The following CNDP2 variants were observed in gnomAD, a reference collection of about 807,000 sequenced individuals.
CNDP2 encodes cytosolic non-specific dipeptidase.
Under a neutral mutation model 55.0 loss-of-function variants are expected in CNDP2, and 38 were observed. The observed-to-expected ratio is 0.69, with a 90% CI of 0.53 to 0.90. The LOEUF (loss-of-function observed/expected upper bound fraction) is 0.90. Ranked by LOEUF, CNDP2 falls within the 40% of genes least tolerant of loss-of-function variation. CNDP2 has a pLI of 0.00. For synonymous variants in CNDP2, 241 were observed against 260.2 expected, an observed-to-expected ratio of 0.93 and a Z score of 0.71; for missense variants, 607 against 621.7, an observed-to-expected ratio of 0.98 and a Z score of 0.25.
chr18:74,509,005 C>T (rs1313144463), intron 5 of CNDP2, 77 bp downstream of exon 5: 1 of 1,195,142 alleles, frequency 8.4e-7, no homozygotes, highest in African/African-American at 1.5e-5. Flanking sequence ...TCTGTTCACA[C>T]AACAGCTTAT....
chr18:74,506,238 G>T (rs892967468), intron 4 of CNDP2, among the ~76,000 whole-genome samples: 1 of 152,132 alleles, frequency 6.6e-6, no homozygotes, highest in African/African-American at 2.4e-5. Flanking sequence ...GGGTTCAAGC[G>T]ATTCTCCTGC....
chr18:74,509,134 T>C, intron 5 of CNDP2: 1 of 546,580 alleles, frequency 1.8e-6, no homozygotes, highest in Non-Finnish European at 3.3e-6. Flanking sequence ...GTAATTGTTT[T>C]ACAGCTGCTT....
chr18:74,513,769 C>T, intron 8 of CNDP2, 50 bp downstream of exon 8: 2 of 1,584,852 alleles, frequency 1.3e-6, no homozygotes, highest in East Asian at 4.5e-5. Flanking sequence ...CGCTGTGACA[C>T]AGGTGTCCCC....
chr18:74,516,350 C>G lies in CNDP2; in HGVS notation c.1026C>G (p.Ile342Met), dbSNP rs1289435891. 6.2e-7 allele frequency: 1 copy of G among 1,613,892 alleles called. No homozygotes were observed. The highest frequency in any genetic ancestry group is 1.1e-5 in the South Asian group (1 of 91,062). The change falls in exon 9 of 12, where the codon ATC becomes ATG. Residue 342 changes from isoleucine to methionine, a missense_variant. Transcript: ENST00000324262. ...IPRKVVGKFS[I>M]RLVPNMTPEV... ...GGAAGGTGGTTGGCAAGTTCTCCATCAGGCTCGTGCCGAACATGACTCCTG... is the reference window on the plus strand; with the variant it reads ...GGAAGGTGGTTGGCAAGTTCTCCATGAGGCTCGTGCCGAACATGACTCCTG...
intron 8 of CNDP2, among the ~76,000 whole-genome samples, chr18:74,515,997 C>G (rs1236838421): frequency 6.6e-6 from 1 of 152,224 alleles, no homozygotes; most frequent in African/African-American, 2.4e-5. Context: ...CAGCGACGGG[C>G]AGTGAAATGC....
At position 74,506,324 on chromosome 18, in the gene CNDP2, G is replaced by A. The variant is rs142554799; in HGVS notation, c.367+313G>A. 3.9e-3 allele frequency among the ~76,000 whole-genome samples: 591 copies of A among 151,918 alleles called. 9 individuals carry two copies. Among genetic ancestry groups the A allele is most frequent in the African/African-American group, 0.014 (562 of 41,440 alleles). ...TAGTTTTTTTATTTTTAGTAGAGACGGGGTTTCACCATGCTGGCCAGGCTG... is the reference window on the plus strand; with the variant it reads ...TAGTTTTTTTATTTTTAGTAGAGACAGGGTTTCACCATGCTGGCCAGGCTG... On this transcript the variant is annotated intron_variant, in intron 4 of 11. Coordinates refer to ENST00000324262, the MANE Select transcript of CNDP2 (RefSeq NM_018235.3).
rs763278033 is a variant in CNDP2, at chr18:74,508,942, G to A, written c.456+14G>A. 2.5e-5 allele frequency: 40 copies of A among 1,609,594 alleles called. No individual in the cohort carries two copies. The highest frequency in any genetic ancestry group is 5.3e-5 in the African/African-American group (4 of 74,786). On this transcript the variant is annotated intron_variant, in intron 5 of 11. Transcript: ENST00000324262. ...AAAACAGGCCAGGTATGCCCCCCAC[G>A]CTGACTTCTGCCTGAGTCCTGGGTT...
In CNDP2 at chr18:74,505,891, G is replaced by T. The variant is rs577359145; in HGVS notation, c.247G>T (p.Gly83Cys). 3 of 1,611,558 alleles carry T rather than the reference G, an allele frequency of 1.9e-6. No individual in the cohort carries two copies. Among genetic ancestry groups the T allele is most frequent in the East Asian group, 4.5e-5 (2 of 44,788 alleles). The change falls in exon 4 of 12, where the codon GGC becomes TGC. Residue 83 changes from glycine (G) to cysteine (C), a missense_variant. Physicochemically the swap from Gly to Cys is radical, Grantham distance 159. Coordinates refer to ENST00000324262, the MANE Select transcript of CNDP2 (RefSeq NM_018235.3). ...SEIPLPPILL[G>C]RLGSDPQKKT... The stretch of plus-strand genomic sequence containing the variant: ...GATCCCGCTCCCTCCTATTCTGCTC[G>T]GCAGGCTGGGCTCCGACCCACAGAA...
chr18:74,515,049 C>T (rs1220549972), intron 8 of CNDP2, among the ~76,000 whole-genome samples: 5 of 152,236 alleles, frequency 3.3e-5, no homozygotes, highest in East Asian at 1.9e-4. Context: ...CTGGCATGCC[C>T]GGTCAGCAGG....
At chr18:74,509,665 A>G (rs1979231231) in intron 5 of CNDP2, 1 of 151,350 alleles carries the variant, frequency 6.6e-6, no homozygotes, top group South Asian at 2.1e-4. Context: ...CCTACCTGTG[A>G]AATATCTGTT....
chr18:74,503,075 T>TTTG (rs572458535), intron 3 of CNDP2, among the ~76,000 whole-genome samples: 16,092 of 150,594 alleles, frequency 0.11, 1,432 homozygotes, highest in African/African-American at 0.24. Context: ...TCCCTTTCGT[T>TTTG]TTTTTTTTTT....
In CNDP2 at chr18:74,514,199, C is replaced by T. The variant is rs117678404; in HGVS notation, c.903+480C>T. Reference sequence around the variant, plus strand: ...TTATGCGGTATAGATGTAACTTCTGCGGGCTCTAGGTTTATGTGGTACAGA... The same window carrying T: ...TTATGCGGTATAGATGTAACTTCTGTGGGCTCTAGGTTTATGTGGTACAGA... On this transcript the variant is annotated intron_variant, in intron 8 of 11. Transcript: ENST00000324262. Among the ~76,000 whole-genome samples the T allele has an allele frequency of 1.2e-4, 19 of 152,112 alleles. No individual in the cohort carries two copies. The East Asian group carries it at 2.1e-3, about 17-fold the overall frequency.
intron 3 of CNDP2, among the ~76,000 whole-genome samples, chr18:74,501,801 A>G (rs1274114490): frequency 6.6e-6 from 1 of 152,208 alleles, no homozygotes; most frequent in South Asian, 2.1e-4. Context: ...AGGAAGTTAC[A>G]CTTTATTCAA....
At chr18:74,504,174 G>A (rs1251382263) in intron 3 of CNDP2, among the ~76,000 whole-genome samples, 18 of 142,182 alleles carry the variant, frequency 1.3e-4, no homozygotes, top group African/African-American at 4.7e-4. Flanking sequence ...GCCATACACT[G>A]CACACGCAGC....
intron 3 of CNDP2, 111 bp downstream of exon 3, chr18:74,501,583 C>T: frequency 7.3e-7 from 1 of 1,371,272 alleles, no homozygotes; most frequent in South Asian, 1.5e-5. Flanking sequence ...CCCCACTCAC[C>T]TTTAAAACAA....
In CNDP2 at chr18:74,508,883, G is replaced by C. The variant is rs1979183302; in HGVS notation, c.411G>C (p.Val137=). 6.2e-7 allele frequency: 1 copy of C among 1,613,982 alleles called. No homozygotes were observed. The highest frequency in any genetic ancestry group is 1.7e-5 in the Admixed American group (1 of 59,990). ...GRGSTDDKGP[V]AGWINALEAY... ...GTTCGACTGATGATAAGGGCCCGGT[G>C]GCCGGCTGGATAAACGCCCTGGAAG... The change falls in exon 5 of 12, where the codon GTG becomes GTC. Residue 137 remains valine, a synonymous_variant. Transcript: ENST00000324262.
At chr18:74,504,131 C>T (rs1454041213) in intron 3 of CNDP2, among the ~76,000 whole-genome samples, 1 of 146,602 alleles carries the variant, frequency 6.8e-6, no homozygotes, top group Non-Finnish European at 1.5e-5. Context: ...CACACGCAGC[C>T]ACACTGCCGC....
At chr18:74,514,060 A>G (rs1317720225) in intron 8 of CNDP2, among the ~76,000 whole-genome samples, 3 of 152,234 alleles carry the variant, frequency 2.0e-5, no homozygotes, top group Non-Finnish European at 2.9e-5. Flanking sequence ...GCCAAGTGCT[A>G]GGTGGAAACT....
chr18:74,512,639 C>T (rs1979418667), intron 7 of CNDP2, 107 bp downstream of exon 7: 5 of 880,398 alleles, frequency 5.7e-6, no homozygotes, highest in Non-Finnish European at 8.9e-6. Flanking sequence ...CCACATGAAC[C>T]AACTTCTGTC....
Sources: gnomAD v4.1 joint callset for allele counts (sites outside exome capture counted in the v4.1 genomes callset) on GRCh38, gnomAD v4.1.1 for gene constraint, MANE v1.5 for transcripts, NCBI Gene and HGNC (gene_info 2026-07-23, HGNC 2026-07-21) for gene names.